The following SEMA6D variants were observed in gnomAD, a reference collection of about 807,000 sequenced individuals.
The protein encoded by SEMA6D is semaphorin 6D.
SEMA6D carries 35 observed loss-of-function variants against 106.6 expected under a neutral mutation model. That is an observed-to-expected ratio of 0.33 (90% confidence interval 0.25 to 0.44). SEMA6D has a LOEUF of 0.44. Ranked by LOEUF, SEMA6D falls within the 20% of genes least tolerant of loss-of-function variation. The pLI is 1.00. For synonymous variants in SEMA6D, 499 were observed against 487.7 expected (o/e 1.02, Z -0.31); for missense variants, 1,185 against 1,345.9 (o/e 0.88, Z 1.87).
intron 2 of SEMA6D, among the ~76,000 whole-genome samples, chr15:47,470,035 T>C (rs75681675): frequency 0.037 from 5,616 of 152,204 alleles, 268 homozygotes; most frequent in African/African-American, 0.11. Context: ...AAAACCCTAT[T>C]AATAAATTCT....
chr15:47,317,848 T>TA (rs1175662884), intron 1 of SEMA6D, among the ~76,000 whole-genome samples: 5 of 152,138 alleles, frequency 3.3e-5, no homozygotes, highest in African/African-American at 1.2e-4. Context: ...TTTAGGCACT[T>TA]ATGTTGTTTG....
At chr15:47,472,686 C>A (rs979101084) in intron 3 of SEMA6D, among the ~76,000 whole-genome samples, 1 of 151,890 alleles carries the variant, frequency 6.6e-6, no homozygotes, top group Non-Finnish European at 1.5e-5. Flanking sequence ...AATAAAAATA[C>A]CAATAACATT....
intron 1 of SEMA6D, among the ~76,000 whole-genome samples, chr15:47,753,671 G>A (rs745473128): frequency 5.9e-5 from 9 of 152,218 alleles, no homozygotes; most frequent in Non-Finnish European, 8.8e-5. Flanking sequence ...GGAACCATGG[G>A]CTGAGGCTAG....
At chr15:47,706,505 T>G (rs558621105) in intron 4 of SEMA6D, among the ~76,000 whole-genome samples, 1 of 152,320 alleles carries the variant, frequency 6.6e-6, no homozygotes, top group African/African-American at 2.4e-5. Flanking sequence ...TATATCTGTT[T>G]TATTTCTCTC....
chr15:47,586,521 A>G (rs979383522), intron 3 of SEMA6D, among the ~76,000 whole-genome samples: 5 of 152,200 alleles, frequency 3.3e-5, no homozygotes, highest in African/African-American at 1.2e-4. Flanking sequence ...GGAAGACCAA[A>G]TATGGTCCTC....
In SEMA6D at chr15:47,763,078, G is replaced by T; in HGVS notation, c.721G>T (p.Ala241Ser). ...TGTCTATTTCTTCTTTCGAGAAATC[G>T]CTGTCGAACATAATAATTTAGGCAA... ...NYVYFFFREI[A>S]VEHNNLGKAV... is the part of the protein sequence containing the mutation. The change falls in exon 9 of 19, where the codon GCT becomes TCT. Residue 241 changes from alanine to serine, a missense_variant. This residue lies in a region of SEMA6D where 291 missense variants were observed against 423.8 expected (regional missense o/e 0.69). Coordinates refer to ENST00000536845, the MANE Select transcript of SEMA6D (RefSeq NM_001358351.3). 1 of 1,612,122 alleles carries T rather than the reference G, an allele frequency of 6.2e-7. No individual in the cohort carries two copies. The highest frequency in any genetic ancestry group is 8.5e-7 in the Non-Finnish European group (1 of 1,178,970).
chr15:47,473,202 C>T (rs757494408), intron 3 of SEMA6D, among the ~76,000 whole-genome samples: 1 of 152,202 alleles, frequency 6.6e-6, no homozygotes, highest in African/African-American at 2.4e-5. Context: ...CTCACCCTCA[C>T]TTCACAGCTG....
intron 1 of SEMA6D, among the ~76,000 whole-genome samples, chr15:47,252,164 G>A (rs536497268): frequency 6.9e-6 from 1 of 145,310 alleles, no homozygotes; most frequent in Non-Finnish European, 1.5e-5. Flanking sequence ...TGATCCGCCC[G>A]CCTCGGCCTC....
rs771762927 is a variant in SEMA6D at position 47,764,945 on chromosome 15, T to C, written c.1316T>C (p.Ile439Thr). 6.2e-7 allele frequency: 1 copy of C among 1,613,954 alleles called. No homozygotes were observed. The highest frequency in any genetic ancestry group is 2.2e-5 in the East Asian group (1 of 44,836). ...SAGPYQNYTV[I>T]FVGSEAGMVL... is the part of the protein sequence containing the mutation. ...GGACCCTACCAGAACTACACAGTCA[T>C]CTTTGTTGGCTCTGAAGCTGGCATG... is the stretch of plus-strand genomic sequence containing the variant. Residue 439 changes from isoleucine (I) to threonine (T), a missense_variant, in exon 13 of 19, where the codon ATC (isoleucine) becomes ACC (threonine). This residue lies in a region of SEMA6D where 291 missense variants were observed against 423.8 expected (regional missense o/e 0.69). Coordinates refer to ENST00000536845, the MANE Select transcript of SEMA6D (RefSeq NM_001358351.3).
chr15:47,694,211 G>T (rs780523255), intron 4 of SEMA6D, among the ~76,000 whole-genome samples: 3 of 152,116 alleles, frequency 2.0e-5, no homozygotes, highest in Non-Finnish European at 4.4e-5. Context: ...TCAAAACAAT[G>T]CTGAGAAATG....
intron 4 of SEMA6D, among the ~76,000 whole-genome samples, chr15:47,617,116 T>C (rs1300248260): frequency 2.0e-5 from 3 of 152,196 alleles, no homozygotes; most frequent in African/African-American, 7.2e-5. Flanking sequence ...CACTCCACCT[T>C]GATCTCCTGG....
intron 1 of SEMA6D, among the ~76,000 whole-genome samples, chr15:47,313,064 A>G (rs1278929367): frequency 6.6e-6 from 1 of 151,984 alleles, no homozygotes; most frequent in East Asian, 1.9e-4. Context: ...AGCCTCCCCC[A>G]TTGTCAACAT....
At chr15:47,604,772 C>A (rs1203287336) in intron 4 of SEMA6D, among the ~76,000 whole-genome samples, 1 of 152,044 alleles carries the variant, frequency 6.6e-6, no homozygotes, top group Admixed American at 6.5e-5. Flanking sequence ...TCTTGGCTCA[C>A]TGCAAGCTCT....
chr15:47,278,145 G>A (rs1224400657), intron 1 of SEMA6D, among the ~76,000 whole-genome samples: 1 of 151,992 alleles, frequency 6.6e-6, no homozygotes, highest in Non-Finnish European at 1.5e-5. Flanking sequence ...GGATGGCTGG[G>A]TCAAATGGTA....
chr15:47,719,669 T>G (rs1411380393), intron 1 of SEMA6D, among the ~76,000 whole-genome samples: 2 of 152,168 alleles, frequency 1.3e-5, no homozygotes, highest in African/African-American at 4.8e-5. Context: ...TGAAGAAAAT[T>G]TTCAAGGTTT....
At chr15:47,732,580 CACAA>C (rs1470208616) in intron 1 of SEMA6D, among the ~76,000 whole-genome samples, 1 of 152,202 alleles carries the variant, frequency 6.6e-6, no homozygotes, top group African/African-American at 2.4e-5. Flanking sequence ...CCAGTGGATA[CACAA>C]ACAAAATCAC....
At chr15:47,566,700 C>G (rs1400909521) in intron 3 of SEMA6D, among the ~76,000 whole-genome samples, 1 of 152,168 alleles carries the variant, frequency 6.6e-6, no homozygotes, top group Non-Finnish European at 1.5e-5. Context: ...TTTAACCGTC[C>G]CCAACCGGAG....
intron 1 of SEMA6D, among the ~76,000 whole-genome samples, chr15:47,409,593 C>G (rs901365252): frequency 3.3e-5 from 5 of 152,182 alleles, no homozygotes; most frequent in African/African-American, 9.7e-5. Flanking sequence ...ATTGGCACTT[C>G]CTAGAATTGT....
chr15:47,739,970 C>T (rs1165334068), intron 1 of SEMA6D, among the ~76,000 whole-genome samples: 1 of 152,100 alleles, frequency 6.6e-6, no homozygotes, highest in Non-Finnish European at 1.5e-5. Context: ...TTAGATAGGT[C>T]CAATTATTTT....
Sources: gnomAD v4.1 joint callset for allele counts (sites outside exome capture counted in the v4.1 genomes callset) on GRCh38, gnomAD v4.1.1 for gene constraint, gnomAD v4.1.1 regional missense constraint, MANE v1.5 for transcripts, NCBI Gene and HGNC (gene_info 2026-07-23, HGNC 2026-07-21) for gene names.